Variants in ASCC3 observed in about 807,000 individuals in gnomAD.
ASCC3 encodes the protein activating signal cointegrator 1 complex subunit 3.
Under a neutral mutation model 256.3 loss-of-function variants are expected in ASCC3, and 158 were observed. That is an observed-to-expected ratio of 0.62 (90% CI 0.54 to 0.70). The LOEUF (loss-of-function observed/expected upper bound fraction) is 0.70. Among genes scored for constraint, ASCC3 ranks in the 30% least tolerant of loss-of-function variants. The pLI is 0.00. For synonymous variants in ASCC3, 948 were observed against 883.4 expected, an observed-to-expected ratio of 1.07 and a Z score of -1.30; for missense variants, 2,259 against 2,626.0, an observed-to-expected ratio of 0.86 and a Z score of 3.05.
At chr6:100,550,099 C>G (rs1769214394) in intron 36 of ASCC3, among the ~76,000 whole-genome samples, 1 of 151,864 alleles carries the variant, frequency 6.6e-6, no homozygotes, top group African/African-American at 2.4e-5. Flanking sequence ...CTTAAAGAAA[C>G]AGCAAGAATC....
At chr6:100,607,896 C>T (rs953123599) in intron 30 of ASCC3, among the ~76,000 whole-genome samples, 1 of 149,376 alleles carries the variant, frequency 6.7e-6, no homozygotes, top group Non-Finnish European at 1.5e-5. Flanking sequence ...TATTTATTGG[C>T]TGTTTTATAA....
chr6:100,862,168 C>A (rs1208011822), intron 3 of ASCC3, among the ~76,000 whole-genome samples: 1 of 152,146 alleles, frequency 6.6e-6, no homozygotes, highest in Non-Finnish European at 1.5e-5. Flanking sequence ...TTCGCCACTA[C>A]TTTTCAAACA....
intron 8 of ASCC3, among the ~76,000 whole-genome samples, chr6:100,775,641 C>T (rs1051206686): frequency 6.6e-6 from 1 of 152,018 alleles, no homozygotes; most frequent in South Asian, 2.1e-4. Context: ...ATCAACAGAA[C>T]ATGCTGAATA....
At chr6:100,531,697 G>C (rs1403515572) in intron 37 of ASCC3, among the ~76,000 whole-genome samples, 1 of 151,908 alleles carries the variant, frequency 6.6e-6, no homozygotes, top group Non-Finnish European at 1.5e-5. Flanking sequence ...AAAATGTATT[G>C]TGTTTCAGAC....
chr6:100,635,376 G>C (rs1440164375), intron 25 of ASCC3, among the ~76,000 whole-genome samples: 2 of 152,046 alleles, frequency 1.3e-5, no homozygotes, highest in Non-Finnish European at 2.9e-5. Flanking sequence ...CTTACACATG[G>C]AATTTTTAAA....
At chr6:100,670,634 T>G (rs181898556) in intron 14 of ASCC3, among the ~76,000 whole-genome samples, 2 of 129,710 alleles carry the variant, frequency 1.5e-5, no homozygotes, top group East Asian at 2.3e-4. Flanking sequence ...TACAACCAAC[T>G]TTTTTTCCCC....
intron 30 of ASCC3, among the ~76,000 whole-genome samples, chr6:100,610,500 T>C (rs910088703): frequency 6.6e-6 from 1 of 152,074 alleles, no homozygotes; most frequent in Non-Finnish European, 1.5e-5. Context: ...AATAGGACAA[T>C]AAAGTTTAGC....
At chr6:100,640,052 T>C (rs746208667) in intron 24 of ASCC3, among the ~76,000 whole-genome samples, 2 of 152,008 alleles carry the variant, frequency 1.3e-5, no homozygotes, top group Non-Finnish European at 2.9e-5. Flanking sequence ...CGAGTGGTGG[T>C]TGCAGTGAGC....
At chr6:100,635,202 T>C (rs919395679) in intron 25 of ASCC3, among the ~76,000 whole-genome samples, 10 of 151,708 alleles carry the variant, frequency 6.6e-5, no homozygotes, top group African/African-American at 1.5e-4. Context: ...TGTGTGTGTA[T>C]ATATATATAT....
intron 8 of ASCC3, among the ~76,000 whole-genome samples, chr6:100,781,849 G>C (rs2114260740): frequency 6.6e-6 from 1 of 151,910 alleles, no homozygotes; most frequent in East Asian, 1.9e-4. Context: ...TATTACATAA[G>C]AAATATGTAA....
intron 36 of ASCC3, among the ~76,000 whole-genome samples, chr6:100,587,866 G>A (rs565682268): frequency 2.6e-5 from 4 of 152,156 alleles, no homozygotes; most frequent in Admixed American, 6.5e-5. Flanking sequence ...TAAAACAAAC[G>A]TTTAATTCCC....
In ASCC3 at chr6:100,696,711, T is replaced by C. The variant is rs1778099139; in HGVS notation, c.2152-16959A>G. ...ATTATTTTAGCATGACTAAAGGCTA[T>C]ACTTAAACAACAATAAATTAATTCA... On this transcript the variant is annotated intron_variant, in intron 13 of 41. Transcript: ENST00000369162. 2.0e-5 allele frequency among the ~76,000 whole-genome samples: 3 copies of C among 152,126 alleles called. No individual in the cohort carries two copies. The South Asian group carries it at 6.2e-4, about 32-fold the overall frequency.
intron 4 of ASCC3, among the ~76,000 whole-genome samples, chr6:100,827,843 G>C (rs1172534082): frequency 2.7e-5 from 4 of 150,494 alleles, no homozygotes; most frequent in Admixed American, 2.0e-4. Context: ...TTTTCACTTT[G>C]TGTCTACTAA....
chr6:100,529,142 A>ATGTGTG (rs146662357), intron 37 of ASCC3, among the ~76,000 whole-genome samples: 1 of 150,506 alleles, frequency 6.6e-6, no homozygotes, highest in African/African-American at 2.4e-5. Flanking sequence ...GGAACATAAA[A>ATGTGTG]TGTGTGTGTG....
At chr6:100,550,697 T>G (rs1769247338) in intron 36 of ASCC3, among the ~76,000 whole-genome samples, 1 of 151,766 alleles carries the variant, frequency 6.6e-6, no homozygotes, top group Admixed American at 6.6e-5. Context: ...ATGTTAGAAT[T>G]TCAACTCTGT....
chr6:100,757,247 C>T (rs1030106943), intron 10 of ASCC3, among the ~76,000 whole-genome samples: 6 of 151,772 alleles, frequency 4.0e-5, no homozygotes, highest in East Asian at 1.9e-4. Context: ...CAGATATACA[C>T]ACACAAACAC....
chr6:100,730,052 C>G (rs184915963), intron 10 of ASCC3, among the ~76,000 whole-genome samples: 119 of 152,062 alleles, frequency 7.8e-4, no homozygotes, highest in Admixed American at 4.1e-3. Context: ...CACCTATAAT[C>G]CCAGCACTTT....
intron 13 of ASCC3, among the ~76,000 whole-genome samples, chr6:100,697,491 T>C (rs1238616627): frequency 3.9e-5 from 6 of 151,994 alleles, no homozygotes; most frequent in Admixed American, 3.9e-4. Context: ...TTCACTGTCC[T>C]GGTTTAAATC....
chr6:100,580,410 T>C (rs1374963413), intron 36 of ASCC3, among the ~76,000 whole-genome samples: 2 of 152,014 alleles, frequency 1.3e-5, no homozygotes, highest in African/African-American at 2.4e-5. Context: ...GTTTTGATGA[T>C]AATTGAAGAG....
Sources: gnomAD v4.1 joint callset for allele counts (sites outside exome capture counted in the v4.1 genomes callset) on GRCh38, gnomAD v4.1.1 for gene constraint, MANE v1.5 for transcripts, NCBI Gene and HGNC (gene_info 2026-07-23, HGNC 2026-07-21) for gene names.